SDHC: variants seen among roughly 807,000 people sequenced by gnomAD.
The protein encoded by SDHC is succinate dehydrogenase cytochrome b560 subunit, mitochondrial.
Under a neutral mutation model 22.6 loss-of-function variants are expected in SDHC, and 11 were observed. That is an observed-to-expected ratio of 0.49 (90% confidence interval 0.31 to 0.81). The LOEUF (loss-of-function observed/expected upper bound fraction) is 0.81. Ranked by LOEUF, SDHC falls within the 30% of genes least tolerant of loss-of-function variation. The pLI, the probability that SDHC is intolerant of heterozygous loss-of-function variation, is 0.05. For synonymous variants in SDHC, 80 were observed against 77.8 expected (o/e 1.03, Z -0.15); for missense variants, 160 against 212.0 (o/e 0.75, Z 1.52).
At chr1:161,360,521 A>T (rs1322573454) in intron 5 of SDHC, among the ~76,000 whole-genome samples, 1 of 147,388 alleles carries the variant, frequency 6.8e-6, no homozygotes, top group Non-Finnish European at 1.5e-5. Flanking sequence ...GTGCCACTGC[A>T]CTCCAGCCTA....
At chr1:161,358,454 G>A (rs1440021625) in intron 5 of SDHC, among the ~76,000 whole-genome samples, 2 of 151,978 alleles carry the variant, frequency 1.3e-5, no homozygotes, top group Non-Finnish European at 2.9e-5. Flanking sequence ...CCTCCTATGT[G>A]ACCTCATCGT....
intron 2 of SDHC, among the ~76,000 whole-genome samples, chr1:161,327,999 T>A (rs1671123087): frequency 6.6e-6 from 1 of 150,654 alleles, no homozygotes; most frequent in African/African-American, 2.5e-5. Context: ...TCTAAAAAGA[T>A]ACTGCAAATT....
intron 4 of SDHC, among the ~76,000 whole-genome samples, chr1:161,342,492 A>G (rs1339473722): frequency 6.6e-6 from 1 of 150,398 alleles, no homozygotes; most frequent in African/African-American, 2.4e-5. Context: ...TCTCCTGTGG[A>G]TAGTTCCCTG....
chr1:161,351,965 G>T (rs140057205), intron 4 of SDHC, among the ~76,000 whole-genome samples: 2 of 152,302 alleles, frequency 1.3e-5, no homozygotes, highest in African/African-American at 4.8e-5. Flanking sequence ...CTGACAGTCC[G>T]CACAGTTACA....
At chr1:161,343,117 A>T (rs534414747) in intron 4 of SDHC, among the ~76,000 whole-genome samples, 1 of 152,182 alleles carries the variant, frequency 6.6e-6, no homozygotes, top group South Asian at 2.1e-4. Context: ...TCGAGGTAGG[A>T]AAGGGAGTTT....
intron 5 of SDHC, among the ~76,000 whole-genome samples, chr1:161,357,295 C>T (rs1672321069): frequency 6.6e-6 from 1 of 152,122 alleles, no homozygotes; most frequent in Non-Finnish European, 1.5e-5. Context: ...TCACAAGTTC[C>T]CCTGTGTGTT....
At chr1:161,335,539 A>G (rs1245544810) in intron 3 of SDHC, among the ~76,000 whole-genome samples, 2 of 152,110 alleles carry the variant, frequency 1.3e-5, no homozygotes, top group African/African-American at 4.8e-5. Flanking sequence ...TTTTATCAGT[A>G]TGGACTCAAG....
intron 3 of SDHC, chr1:161,339,662 G>GTTTTTTTTTGTTTTTTTTTTTT (rs1671639078): frequency 2.0e-5 from 1 of 49,566 alleles, no homozygotes; most frequent in African/African-American, 1.0e-4. Context: ...TGATACAGGT[G>GTTTTTTTTTGTTTTTTTTTTTT]TTTTTTTTTT....
intron 5 of SDHC, among the ~76,000 whole-genome samples, chr1:161,357,696 GC>G (rs1672337391): frequency 6.6e-6 from 1 of 152,162 alleles, no homozygotes; most frequent in Non-Finnish European, 1.5e-5. Context: ...ACTGTGCCCT[GC>G]TGAACTCTTC....
intron 1 of SDHC, among the ~76,000 whole-genome samples, chr1:161,322,235 A>G (rs1337978383): frequency 2.6e-5 from 4 of 152,084 alleles, no homozygotes; most frequent in Non-Finnish European, 4.4e-5. Context: ...GGGGTGCTCA[A>G]CCTGTACCGT....
chr1:161,332,083 T>A (rs1460195662), intron 3 of SDHC, among the ~76,000 whole-genome samples: 1 of 152,092 alleles, frequency 6.6e-6, no homozygotes, highest in Non-Finnish European at 1.5e-5. Context: ...ACTCAAGTGA[T>A]CTTCCTGACT....
intron 1 of SDHC, chr1:161,314,890 C>T (rs1670549581): frequency 6.0e-6 from 1 of 167,286 alleles, no homozygotes; most frequent in African/African-American, 2.4e-5. Flanking sequence ...TGGGCGCTGT[C>T]TGGGTTCCCA....
intron 5 of SDHC, among the ~76,000 whole-genome samples, chr1:161,361,685 A>G (rs1672514906): frequency 6.6e-6 from 1 of 152,038 alleles, no homozygotes; most frequent in African/African-American, 2.4e-5. Flanking sequence ...TAAAAATACA[A>G]AAACAAAATT....
chr1:161,338,904 AGTGGC>A (rs1671596089), intron 3 of SDHC, among the ~76,000 whole-genome samples: 1 of 152,090 alleles, frequency 6.6e-6, no homozygotes, highest in African/African-American at 2.4e-5. Flanking sequence ...ACTGGAGTGC[AGTGGC>A]GTGATCTCCA....
chr1:161,354,630 TA>T (rs1419001116), intron 4 of SDHC, among the ~76,000 whole-genome samples: 2 of 151,314 alleles, frequency 1.3e-5, no homozygotes, highest in African/African-American at 4.8e-5. Context: ...TTTTTTTTTT[TA>T]ATTCCCATTT....
At chr1:161,316,713 A>T (rs1670630944) in intron 1 of SDHC, among the ~76,000 whole-genome samples, 1 of 152,192 alleles carries the variant, frequency 6.6e-6, no homozygotes, top group Admixed American at 6.5e-5. Flanking sequence ...TTTTAGGAGG[A>T]TAAATGAGGA....
At chr1:161,329,962 C>T (rs1474352938) in intron 3 of SDHC, among the ~76,000 whole-genome samples, 1 of 152,184 alleles carries the variant, frequency 6.6e-6, no homozygotes, top group Admixed American at 6.5e-5. Flanking sequence ...ATTTAGACCT[C>T]CCCAAATATT....
chr1:161,342,960 A>G (rs1671772186), intron 4 of SDHC, among the ~76,000 whole-genome samples: 2 of 152,180 alleles, frequency 1.3e-5, no homozygotes, highest in African/African-American at 4.8e-5. Flanking sequence ...GCCTGGGAGC[A>G]ATGCCTAAGT....
At chr1:161,330,996 C>CA (rs61295520) in intron 3 of SDHC, among the ~76,000 whole-genome samples, 1,264 of 102,126 alleles carry the variant, frequency 0.012, 8 homozygotes, top group Non-Finnish European at 0.017. Context: ...GCTCTGTTTC[C>CA]AAAAAAAAAA....
Sources: gnomAD v4.1 joint callset for allele counts (sites outside exome capture counted in the v4.1 genomes callset) on GRCh38, gnomAD v4.1.1 for gene constraint, MANE v1.5 for transcripts, NCBI Gene and HGNC (gene_info 2026-07-23, HGNC 2026-07-21) for gene names.